ABCB11: variants seen among roughly 807,000 people sequenced by gnomAD.
ABCB11 encodes ATP binding cassette subfamily B member 11, also known as bile salt export pump.
A neutral mutation model predicts 148.0 loss-of-function variants in ABCB11; 95 were observed. The ratio of observed to expected loss-of-function variants is 0.64; its 90% CI spans 0.54 to 0.76. ABCB11 has a LOEUF of 0.76. Among genes scored for constraint, ABCB11 ranks in the 30% least tolerant of loss-of-function variants. The pLI, the probability that ABCB11 is intolerant of heterozygous loss-of-function variation, is 0.00. For missense variants in ABCB11, 1,523 were observed against 1,617.8 expected (o/e 0.94, Z 1.01); for synonymous variants, 591 against 555.4 (o/e 1.06, Z -0.90).
chr2:168,966,201 T>A (rs4148791), intron 17 of ABCB11, among the ~76,000 whole-genome samples: 100,669 of 151,660 alleles, frequency 0.66, 33,877 homozygotes, highest in East Asian at 0.8. Context: ...AACAAGGTGC[T>A]TGATAGGAGG....
intron 5 of ABCB11, among the ~76,000 whole-genome samples, chr2:169,004,119 A>C (rs1449642728): frequency 1.3e-5 from 2 of 152,132 alleles, no homozygotes; most frequent in Non-Finnish European, 1.5e-5. Flanking sequence ...TAATCTGATG[A>C]CTATGTGCCT....
At chr2:168,994,285 A>G (rs1032962539) in intron 7 of ABCB11, among the ~76,000 whole-genome samples, 4 of 152,068 alleles carry the variant, frequency 2.6e-5, no homozygotes, top group African/African-American at 9.7e-5. Context: ...ATAATCCCCC[A>G]AGAAGAAGTA....
chr2:168,959,512 G>T (rs562067014), intron 18 of ABCB11, among the ~76,000 whole-genome samples: 2 of 151,660 alleles, frequency 1.3e-5, no homozygotes, highest in Non-Finnish European at 3.0e-5. Context: ...TCCTTAAAAC[G>T]AGAGACTTGG....
chr2:168,930,187 T>C (rs1313525372), intron 25 of ABCB11, among the ~76,000 whole-genome samples: 1 of 152,234 alleles, frequency 6.6e-6, no homozygotes, highest in Non-Finnish European at 1.5e-5. Flanking sequence ...AGATTTATGG[T>C]ACATGGCTCT....
At chr2:169,000,009 T>C (rs1412398795) in intron 5 of ABCB11, among the ~76,000 whole-genome samples, 1 of 152,192 alleles carries the variant, frequency 6.6e-6, no homozygotes, top group Non-Finnish European at 1.5e-5. Context: ...TTTTTAATTT[T>C]AGCCATTCCA....
At chr2:169,017,482 A>G (rs1183803007) in intron 2 of ABCB11, among the ~76,000 whole-genome samples, 1 of 152,168 alleles carries the variant, frequency 6.6e-6, no homozygotes, top group Non-Finnish European at 1.5e-5. Flanking sequence ...TTGGGAATCA[A>G]ACACAACTGG....
intron 6 of ABCB11, 103 bp from the exon 7 acceptor site, chr2:168,995,585 G>T (rs541596254): frequency 2.4e-6 from 3 of 1,254,182 alleles, no homozygotes; most frequent in African/African-American, 3.1e-5. Context: ...GAGAAAAGGG[G>T]GAAAGTAATT....
intron 5 of ABCB11, among the ~76,000 whole-genome samples, chr2:169,011,036 G>A (rs1489102729): frequency 6.6e-6 from 1 of 152,214 alleles, no homozygotes; most frequent in African/African-American, 2.4e-5. Flanking sequence ...AAGACAGTGA[G>A]TAATGAGTGG....
intron 9 of ABCB11, among the ~76,000 whole-genome samples, chr2:168,989,638 T>C (rs1694444991): frequency 6.6e-6 from 1 of 152,116 alleles, no homozygotes; most frequent in Non-Finnish European, 1.5e-5. Context: ...ATTCAAGGTC[T>C]TTTGTGGTTG....
At chr2:168,932,584 G>C in intron 23 of ABCB11, 51 bp from the exon 24 acceptor site, 2 of 1,594,646 alleles carry the variant, frequency 1.3e-6, no homozygotes, top group South Asian at 2.3e-5. Flanking sequence ...TGGTTGGTGT[G>C]ATGACCTGAA....
At chr2:168,956,559 T>C (rs995390954) in intron 19 of ABCB11, among the ~76,000 whole-genome samples, 11 of 151,636 alleles carry the variant, frequency 7.3e-5, no homozygotes, top group Admixed American at 5.9e-4. Context: ...TCTGAGTCTG[T>C]TCATGACTCA....
chr2:168,988,593 C>T (rs1694407955), intron 9 of ABCB11, among the ~76,000 whole-genome samples: 1 of 152,050 alleles, frequency 6.6e-6, no homozygotes, highest in South Asian at 2.1e-4. Flanking sequence ...ACAGTTTTCT[C>T]TTGACATAGT....
At chr2:168,920,765 T>C (rs2105869189), downstream of ABCB11, among the ~76,000 whole-genome samples, 1 of 152,304 alleles carries the variant, frequency 6.6e-6, no homozygotes, top group South Asian at 2.1e-4. Flanking sequence ...AACGTAGACA[T>C]CATCGCCCCC....
chr2:169,000,133 C>A (rs1393538058), intron 5 of ABCB11, among the ~76,000 whole-genome samples: 1 of 151,910 alleles, frequency 6.6e-6, no homozygotes, highest in African/African-American at 2.4e-5. Context: ...GTCTTTTTCC[C>A]ATCTTTGAAC....
Position 169,001,577 on chromosome 2 carries a change from C to G in ABCB11, c.390-4855G>C, listed in dbSNP as rs189618950. Among the ~76,000 whole-genome samples, 6 of 152,208 alleles carry G rather than the reference C, an allele frequency of 3.9e-5. No homozygotes were observed. In the East Asian group the frequency reaches 1.2e-3, roughly 30 times the overall value. On this transcript the variant is annotated intron_variant, in intron 5 of 27. Coordinates refer to ENST00000650372, the MANE Select transcript of ABCB11 (RefSeq NM_003742.4). Reference sequence around the variant, plus strand: ...GGGTGGCACAAGAGGGGCTTATTACCACCTAGCAAGTGTGGAAGAGTCTAT... The same window carrying G: ...GGGTGGCACAAGAGGGGCTTATTACGACCTAGCAAGTGTGGAAGAGTCTAT...
At chr2:168,966,858 G>A (rs947657736) in intron 17 of ABCB11, among the ~76,000 whole-genome samples, 1 of 151,836 alleles carries the variant, frequency 6.6e-6, no homozygotes, top group Non-Finnish European at 1.5e-5. Flanking sequence ...CTTTCTGTGT[G>A]TAGATCGTAT....
At chr2:169,024,161 A>G (rs1695621348) in intron 1 of ABCB11, among the ~76,000 whole-genome samples, 1 of 152,164 alleles carries the variant, frequency 6.6e-6, no homozygotes, top group African/African-American at 2.4e-5. Context: ...CTATGTAACA[A>G]ACCTGCACAT....
chr2:169,014,297 T>C lies in ABCB11; in HGVS notation c.150+6A>G. The C allele has an allele frequency of 1.2e-6, 2 of 1,612,442 alleles. No individual in the cohort carries two copies. The highest frequency in any genetic ancestry group is 1.7e-6 in the Non-Finnish European group (2 of 1,178,614). On this transcript the variant is annotated splice_donor_region_variant and intron_variant, in intron 4 of 27. Coordinates refer to ENST00000650372, the MANE Select transcript of ABCB11 (RefSeq NM_003742.4). ...CCACTGCCATAAATCAACACAGTTT[T>C]ATTACCAATTGAAAGAAGCCAACTC... is the stretch of plus-strand genomic sequence containing the variant.
intron 1 of ABCB11, among the ~76,000 whole-genome samples, chr2:169,029,419 T>C (rs1695794337): frequency 6.6e-6 from 1 of 152,156 alleles, no homozygotes. Context: ...TAATATATGC[T>C]AAGAAACAAA....
Sources: allele counts gnomAD v4.1 joint callset (sites outside exome capture counted in the v4.1 genomes callset), GRCh38; gene constraint gnomAD v4.1.1; transcripts MANE v1.5; gene names NCBI Gene and HGNC (gene_info 2026-07-23, HGNC 2026-07-21).